Variants in GK observed in about 807,000 individuals in gnomAD.
GK encodes the protein glycerol kinase.
Under a neutral mutation model 56.4 loss-of-function variants are expected in GK, and 9 were observed. The ratio of observed to expected loss-of-function variants is 0.16; its 90% CI spans 0.10 to 0.28. GK has a LOEUF of 0.28. Ranked by LOEUF, GK falls within the 10% of genes least tolerant of loss-of-function variation. The probability of loss-of-function intolerance (pLI) is 1.00; values close to 1 mark genes in which losing one functional copy is unlikely to be tolerated. For missense variants in GK, 161 were observed against 431.4 expected (o/e 0.37, Z 5.55); for synonymous variants, 104 against 144.1 (o/e 0.72, Z 1.99).
intron 11 of GK, among the ~76,000 whole-genome samples, chrX:30,703,687 A>G (rs1170306101): frequency 9.0e-6 from 1 of 111,502 alleles, no homozygotes; most frequent in African/African-American, 3.3e-5. Flanking sequence ...TTGGCCAGGC[A>G]CAGTGGCTCA....
At chrX:30,705,487 A>AC (rs1472814251) in intron 11 of GK, among the ~76,000 whole-genome samples, 2 of 111,651 alleles carry the variant, frequency 1.8e-5, no homozygotes, top group East Asian at 5.6e-4. Flanking sequence ...TCTGGGGTCA[A>AC]CCCCCCTGCC....
intron 13 of GK, among the ~76,000 whole-genome samples, chrX:30,709,656 C>T (rs1292085482): frequency 9.0e-6 from 1 of 111,314 alleles, no homozygotes; most frequent in African/African-American, 3.3e-5. Context: ...TGTGCCTCTC[C>T]TACCATAAGC....
intron 19 of GK, 108 bp from the exon 20 acceptor site, chrX:30,727,358 T>G (rs1937177747): frequency 2.0e-6 from 1 of 508,946 alleles, no homozygotes; most frequent in South Asian, 2.7e-5. Context: ...ACTATTTTTA[T>G]AGCTTATTTT....
intron 3 of GK, among the ~76,000 whole-genome samples, chrX:30,676,926 T>C (rs1231103213): frequency 1.8e-5 from 2 of 111,061 alleles, no homozygotes; most frequent in Non-Finnish European, 3.8e-5. Flanking sequence ...TTTCTTAAAA[T>C]GTAGGCATGT....
intron 15 of GK, among the ~76,000 whole-genome samples, 158 bp downstream of exon 15, chrX:30,719,673 G>A (rs1296425033): frequency 1.8e-5 from 2 of 111,815 alleles, no homozygotes; most frequent in Non-Finnish European, 3.8e-5. Context: ...TAAGCTCCAA[G>A]AAGTTATGAA....
At chrX:30,666,221 C>T (rs1428801693) in intron 2 of GK, among the ~76,000 whole-genome samples, 1 of 111,536 alleles carries the variant, frequency 9.0e-6, no homozygotes, top group Non-Finnish European at 1.9e-5. Context: ...TATTAAAAGT[C>T]GCCCCAAACT....
chrX:30,696,555 T>A, intron 7 of GK, 62 bp from the exon 8 acceptor site: 1 of 802,328 alleles, frequency 1.2e-6, no homozygotes, highest in Non-Finnish European at 1.9e-6. Context: ...TTTAAATACA[T>A]ATAAATGTTT....
chrX:30,679,294 G>A (rs886610428), intron 4 of GK, among the ~76,000 whole-genome samples: 16 of 104,999 alleles, frequency 1.5e-4, no homozygotes, highest in African/African-American at 1.4e-4. Flanking sequence ...GTGCAATCTC[G>A]GCTCGCTCTA....
At chrX:30,724,729 T>G (rs1937063509) in intron 19 of GK, 1 of 209,510 alleles carries the variant, frequency 4.8e-6, no homozygotes, top group South Asian at 6.3e-5. Context: ...AATAGTGGAC[T>G]ATTCTACCTT....
At chrX:30,677,330 C>G (rs754689241) in intron 3 of GK, 45 bp from the exon 4 acceptor site, 1 of 704,755 alleles carries the variant, frequency 1.4e-6, no homozygotes, top group Non-Finnish European at 2.3e-6. Context: ...TAGTTTCCTA[C>G]TTGTTAAATT....
chrX:30,661,403 C>A (rs1932753955), intron 1 of GK, among the ~76,000 whole-genome samples: 1 of 110,537 alleles, frequency 9.0e-6, no homozygotes, highest in Non-Finnish European at 1.9e-5. Context: ...CTGTCAATCC[C>A]ATCGCAGCGG....
At chrX:30,708,707 T>C (rs1330538328) in intron 13 of GK, among the ~76,000 whole-genome samples, 2 of 112,213 alleles carry the variant, frequency 1.8e-5, no homozygotes, top group Non-Finnish European at 3.8e-5. Flanking sequence ...GGTAAGTTAG[T>C]GTTAGAAATA....
chrX:30,698,060 C>G (rs1935333510), intron 9 of GK: 1 of 226,970 alleles, frequency 4.4e-6, no homozygotes, highest in Non-Finnish European at 8.0e-6. Flanking sequence ...TAGATAGATA[C>G]AGTTTGAAAT....
intron 13 of GK, among the ~76,000 whole-genome samples, chrX:30,715,026 TAAATC>T (rs977996133): frequency 8.9e-6 from 1 of 112,220 alleles, no homozygotes; most frequent in African/African-American, 3.2e-5. Context: ...AACTACATTA[TAAATC>T]ATATACGTAC....
intron 11 of GK, among the ~76,000 whole-genome samples, chrX:30,702,342 A>G (rs1935728948): frequency 8.9e-6 from 1 of 112,380 alleles, no homozygotes; most frequent in Non-Finnish European, 1.9e-5. Context: ...ACTCCTGGCC[A>G]AGGTAATCTT....
At chrX:30,670,323 TG>T (rs1458888394) in intron 3 of GK, among the ~76,000 whole-genome samples, 3 of 112,337 alleles carry the variant, frequency 2.7e-5, no homozygotes, top group Non-Finnish European at 5.6e-5. Context: ...TGTGATGTGT[TG>T]GCTTTCTGGA....
chrX:30,678,004 A>G (rs755655454), intron 4 of GK: 4 of 548,836 alleles, frequency 7.3e-6, no homozygotes, highest in Non-Finnish European at 1.3e-5. Context: ...ATTGTCTTAC[A>G]AATGAGTGAA....
intron 6 of GK, 102 bp downstream of exon 6, chrX:30,694,639 A>C: frequency 3.0e-6 from 2 of 664,669 alleles, no homozygotes; most frequent in Non-Finnish European, 4.7e-6. Context: ...TTTAATTAGC[A>C]GCATTATGAA....
At chrX:30,675,667 C>T (rs1465040899) in intron 3 of GK, among the ~76,000 whole-genome samples, 1 of 107,647 alleles carries the variant, frequency 9.3e-6, no homozygotes, top group Non-Finnish European at 1.9e-5. Flanking sequence ...CACCATACCC[C>T]CCTAATTTTT....
Sources: allele counts gnomAD v4.1 joint callset (sites outside exome capture counted in the v4.1 genomes callset), GRCh38; gene constraint gnomAD v4.1.1; transcripts MANE v1.5; gene names NCBI Gene and HGNC (gene_info 2026-07-23, HGNC 2026-07-21).